The following KIF12 variants were observed in gnomAD, a reference collection of about 807,000 sequenced individuals.
The protein encoded by KIF12 is kinesin-like protein KIF12.
In KIF12, 80 loss-of-function variants were observed where a neutral mutation model predicts 87.9. The ratio of observed to expected loss-of-function variants is 0.91; its 90% confidence interval spans 0.76 to 1.10. KIF12 has a LOEUF of 1.10. KIF12 is among the 50% of genes least tolerant of loss of function. The pLI, the probability that KIF12 is intolerant of heterozygous loss-of-function variation, is 0.00. For missense variants in KIF12, 819 were observed against 865.3 expected (o/e 0.95, Z 0.67); for synonymous variants, 353 against 348.5 (o/e 1.01, Z -0.14).
intron 3 of KIF12, 89 bp from the exon 4 acceptor site, chr9:114,098,518 CG>C (rs1341628515): frequency 1.5e-4 from 134 of 880,622 alleles, no homozygotes; most frequent in African/African-American, 3.9e-4. Flanking sequence ...GGGCGGGGCA[CG>C]CGGGAGGAGG....
chr9:114,097,054 G>A (rs1847260421), intron 7 of KIF12, among the ~76,000 whole-genome samples: 2 of 152,234 alleles, frequency 1.3e-5, no homozygotes, highest in South Asian at 2.1e-4. Context: ...CCTGGCGGAG[G>A]CCGAGGCCCT....
rs182844693 is a variant in KIF12, at chr9:114,094,346, C to T, written c.1222+7G>A. 2.9e-5 allele frequency: 46 copies of T among 1,612,320 alleles called. 1 individual carries two copies. In the South Asian group the frequency reaches 3.7e-4, roughly 13 times the overall value. ...CCCATCCTACTCTGCCTCCAGGAAG[C>T]CCATACCCTTGCAGTCCATTTGGTC... On this transcript the variant is annotated splice_region_variant and intron_variant, in intron 12 of 18. Transcript: ENST00000640217.
rs750645574 is a variant in KIF12 at position 114,092,610 on chromosome 9, G to C, written c.1629C>G (p.Pro543=). The change falls in exon 17 of 19, where the codon CCC becomes CCG. Residue 543 remains proline, a synonymous_variant. Coordinates refer to ENST00000640217, the MANE Select transcript of KIF12 (RefSeq NM_001388308.1). ...CCCAGGGTGGGGGCCGGGCAGATGG[G>C]GGCCTGCCACCTGAGGCCTCAGGGT... ...VLDPEASGGR[P]PSARPPPWAP... is the part of the protein sequence containing the mutation. The C allele has an allele frequency of 6.2e-7, 1 of 1,600,174 alleles. No individual in the cohort carries two copies. The highest frequency in any genetic ancestry group is 2.2e-5 in the East Asian group (1 of 44,580).
At chr9:114,095,155 C>A (rs748159989) in intron 10 of KIF12, 28 bp from the exon 11 acceptor site, 16 of 1,608,484 alleles carry the variant, frequency 9.9e-6, no homozygotes, top group Non-Finnish European at 1.4e-5. Context: ...CCTGAGCGCT[C>A]CTCTCTGAGG....
Position 114,093,508 on chromosome 9 carries a change from C to G in KIF12, c.1401-11G>C, listed in dbSNP as rs755246515. 3.1e-5 allele frequency: 48 copies of G among 1,550,536 alleles called. No individual in the cohort carries two copies. Among genetic ancestry groups the G allele is most frequent in the Non-Finnish European group, 4.1e-5 (47 of 1,145,750 alleles). ...GCAGAGAGGAGACGCCTAGAAAGAA[C>G]AGCAGGGTCTATGCCTGCAGCCTCC... On this transcript the variant is annotated splice_polypyrimidine_tract_variant and intron_variant, in intron 14 of 18. Transcript: ENST00000640217.
intron 16 of KIF12, 30 bp downstream of exon 16, chr9:114,093,198 CT>C: frequency 2.0e-6 from 3 of 1,518,592 alleles, no homozygotes; most frequent in Non-Finnish European, 2.7e-6. Context: ...TTCTCCCAGC[CT>C]TCCCTCACTC....
At chr9:114,093,999 G>A (rs1356575206) in intron 13 of KIF12, 27 bp from the exon 14 acceptor site, 1 of 1,596,776 alleles carries the variant, frequency 6.3e-7, no homozygotes, top group Admixed American at 1.7e-5. Context: ...GCCAGGAAGG[G>A]GTAGGAAATG....
intron 16 of KIF12, chr9:114,093,016 T>C: frequency 7.8e-7 from 1 of 1,275,142 alleles, no homozygotes; most frequent in Non-Finnish European, 1.1e-6. Flanking sequence ...AATGACAGAA[T>C]GAATTCCTGG....
At chr9:114,094,019 T>G (rs1206059905) in intron 13 of KIF12, 47 bp from the exon 14 acceptor site, 44 of 1,547,612 alleles carry the variant, frequency 2.8e-5, no homozygotes, top group Non-Finnish European at 3.9e-5. Flanking sequence ...GGGGCTGGGG[T>G]GGGGCATCAG....
chr9:114,093,175 T>C (rs1847065724), intron 16 of KIF12, 54 bp downstream of exon 16: 2 of 1,442,658 alleles, frequency 1.4e-6, no homozygotes, highest in East Asian at 5.0e-5. Context: ...GACTCCTGGA[T>C]CAAGGTCTCC....
At position 114,096,214 on chromosome 9, in the gene KIF12, G is replaced by C; in HGVS notation, c.739-7C>G. On this transcript the variant is annotated splice_polypyrimidine_tract_variant and splice_region_variant and intron_variant, in intron 8 of 18. Transcript: ENST00000640217. ...CAGAAGGCATCTGCTGGGCCTGAGG[G>C]ATCAGAGCTTCATGGGGACTTGGGA... 3 of 1,613,582 alleles carry C rather than the reference G, an allele frequency of 1.9e-6. No individual in the cohort carries two copies. The highest frequency in any genetic ancestry group is 2.5e-6 in the Non-Finnish European group (3 of 1,179,808).
At position 114,097,689 on chromosome 9, in the gene KIF12, A is replaced by T. The variant is rs1588507834; in HGVS notation, c.428T>A (p.Phe143Tyr). The T allele has an allele frequency of 1.9e-6, 3 of 1,614,126 alleles. No homozygotes were observed. Among genetic ancestry groups the T allele is most frequent in the Non-Finnish European group, 2.5e-6 (3 of 1,180,016 alleles). ...CTGCACGCGGTCCAACAGCCAGGCGAAGGTCCTCTGCATGATGCCAGCCAG... is the reference window on the plus strand; with the variant it reads ...CTGCACGCGGTCCAACAGCCAGGCGTAGGTCCTCTGCATGATGCCAGCCAG... ...PSLAGIMQRT[F>Y]AWLLDRVQHL... The change falls in exon 6 of 19, where the codon TTC becomes TAC. Residue 143 changes from phenylalanine to tyrosine, a missense_variant. Transcript: ENST00000640217.
In KIF12 at chr9:114,097,536, G is replaced by A. The variant is rs557971807; in HGVS notation, c.510+71C>T. On this transcript the variant is annotated intron_variant, in intron 6 of 18. Transcript: ENST00000640217. The stretch of plus-strand genomic sequence containing the variant: ...GTCCCCACCGCCTCTTCTGTCCTTT[G>A]ATCCAGGCTCCCTGGAAAGAAGCGC... 14 of 1,598,730 alleles carry A rather than the reference G, an allele frequency of 8.8e-6. No homozygotes were observed. In the Admixed American group the frequency reaches 2.2e-4, roughly 25 times the overall value.
chr9:114,094,429 A>G lies in KIF12; in HGVS notation c.1146T>C (p.Arg382=). ...GGAGCTGCAGCATCTCTGTCTCCAA[A>G]CGCTGGGGCTGCTTTGCCACAGGAG... ...PKSPVAKQPQ[R]LETEMLQLQE... Residue 382 remains arginine, a synonymous_variant, in exon 12 of 19, where the codon CGT becomes CGC. Coordinates refer to ENST00000640217, the MANE Select transcript of KIF12 (RefSeq NM_001388308.1). The G allele has an allele frequency of 1.2e-6, 2 of 1,613,630 alleles. No individual in the cohort carries two copies. The highest frequency in any genetic ancestry group is 1.7e-6 in the Non-Finnish European group (2 of 1,179,650).
intron 13 of KIF12, 32 bp downstream of exon 13, chr9:114,094,149 C>A (rs1564380484): frequency 6.3e-7 from 1 of 1,590,084 alleles, no homozygotes; most frequent in Non-Finnish European, 8.6e-7. Flanking sequence ...GGGTGGGGAG[C>A]AGCATCCCTC....
At position 114,092,471 on chromosome 9, in the gene KIF12, G is replaced by A. The variant is rs1847035208; in HGVS notation, c.1698-20C>T. On this transcript the variant is annotated intron_variant, in intron 17 of 18. Transcript: ENST00000640217. ...TGACTCCTGGGCCAGGGTGAGTTGG[G>A]AGATGGGAGGTGAGCCTTTGAGTTC... The A allele has an allele frequency of 6.2e-7, 1 of 1,613,678 alleles. No homozygotes were observed. Among genetic ancestry groups the A allele is most frequent in the Admixed American group, 1.7e-5 (1 of 60,000 alleles).
In KIF12 at chr9:114,098,301, C is replaced by A. The variant is rs1441954059; in HGVS notation, c.299+1G>T. 12 of 1,471,460 alleles carry A rather than the reference C, an allele frequency of 8.2e-6. No homozygotes were observed. Among genetic ancestry groups the A allele is most frequent in the Non-Finnish European group, 1.1e-5 (12 of 1,116,454 alleles). 91.2% of individuals were successfully genotyped at this position (1,471,460 alleles called of 1,614,324 possible). A position where few individuals can be genotyped will look rare whatever the true frequency, so the allele number is the denominator to read the frequency against. On this transcript the variant is annotated splice_donor_variant, in intron 4 of 18. Transcript: ENST00000640217. LOFTEE classifies it high-confidence loss of function. The stretch of plus-strand genomic sequence containing the variant: ...CGGAGCGGAGGCGAAGCTTCACTCA[C>A]CCGCGCAGCGCCAGCTCCCCCAGGC...
Position 114,092,525 on chromosome 9 carries a change from C to T in KIF12, c.1697+17G>A. On this transcript the variant is annotated intron_variant, in intron 17 of 18. Transcript: ENST00000640217. ...AGACCACCCCTCTCTGACCTCAGTG[C>T]CCCAGGAGAGACCCACCTCTCTCTT... 6.2e-7 allele frequency: 1 copy of T among 1,613,028 alleles called. No individual in the cohort carries two copies. The highest frequency in any genetic ancestry group is 1.1e-5 in the South Asian group (1 of 91,002).
In KIF12 at chr9:114,093,267, G is replaced by C. The variant is rs1433034409; in HGVS notation, c.1558C>G (p.His520Asp). The C allele has an allele frequency of 6.4e-7, 1 of 1,557,974 alleles. No homozygotes were observed. Among genetic ancestry groups the C allele is most frequent in the South Asian group, 1.2e-5 (1 of 84,530 alleles). Residue 520 changes from histidine (H) to aspartate (D), a missense_variant, in exon 16 of 19, where the codon CAC becomes GAC. His to Asp is a moderately conservative substitution (Grantham distance 81). Coordinates refer to ENST00000640217, the MANE Select transcript of KIF12 (RefSeq NM_001388308.1). ...TGCTCCCCTGGCAGGCAGGCCCAGTGGGCCAGGGGCACTCGACACAGTGGG... is the reference window on the plus strand; with the variant it reads ...TGCTCCCCTGGCAGGCAGGCCCAGTCGGCCAGGGGCACTCGACACAGTGGG... ...ICPLCRVPLA[H>D]WACLPGEHHL... is the part of the protein sequence containing the mutation.
Sources: gnomAD v4.1 joint callset for allele counts (sites outside exome capture counted in the v4.1 genomes callset) on GRCh38, gnomAD v4.1.1 for gene constraint, MANE v1.5 for transcripts, NCBI Gene and HGNC (gene_info 2026-07-23, HGNC 2026-07-21) for gene names.